CWF19L2: variants seen among roughly 807,000 people sequenced by gnomAD.
CWF19L2 encodes the protein CWF19-like protein 2.
A neutral mutation model predicts 111.7 loss-of-function variants in CWF19L2; 98 were observed. The observed-to-expected ratio is 0.88, with a 90% CI of 0.75 to 1.04. The LOEUF (loss-of-function observed/expected upper bound fraction) is 1.04. Among genes scored for constraint, CWF19L2 ranks in the 50% least tolerant of loss-of-function variants. CWF19L2 has a pLI of 0.00. For synonymous variants in CWF19L2, 351 were observed against 342.9 expected (o/e 1.02, Z -0.26); for missense variants, 1,101 against 1,051.4 (o/e 1.05, Z -0.65).
chr11:107,408,543 T>C (rs573114728), intron 10 of CWF19L2, among the ~76,000 whole-genome samples: 2 of 152,116 alleles, frequency 1.3e-5, no homozygotes, highest in South Asian at 4.1e-4. Context: ...TTATACACCA[T>C]TTTCTTTAAT....
At chr11:107,445,711 T>C (rs1303679730) in intron 3 of CWF19L2, among the ~76,000 whole-genome samples, 1 of 152,012 alleles carries the variant, frequency 6.6e-6, no homozygotes. Context: ...CCTGCTCCCC[T>C]TCTTTCTCCA....
At chr11:107,417,635 A>T (rs1167738199) in intron 9 of CWF19L2, among the ~76,000 whole-genome samples, 1 of 152,256 alleles carries the variant, frequency 6.6e-6, no homozygotes, top group Non-Finnish European at 1.5e-5. Context: ...TAAAGTAAAT[A>T]GCCAAGTAAA....
At chr11:107,333,121 G>A (rs764185146) in intron 16 of CWF19L2, among the ~76,000 whole-genome samples, 1 of 151,528 alleles carries the variant, frequency 6.6e-6, no homozygotes, top group Non-Finnish European at 1.5e-5. Flanking sequence ...GATCTCAAGA[G>A]GTCATCTGGC....
chr11:107,380,592 G>C (rs1860670759), intron 12 of CWF19L2, among the ~76,000 whole-genome samples: 2 of 152,202 alleles, frequency 1.3e-5, no homozygotes, highest in Admixed American at 1.3e-4. Flanking sequence ...CAAGAATGTG[G>C]AGACACTGTT....
chr11:107,450,996 TC>T (rs1043074338), intron 3 of CWF19L2, among the ~76,000 whole-genome samples: 9 of 152,274 alleles, frequency 5.9e-5, no homozygotes, highest in African/African-American at 2.2e-4. Context: ...TAGTCAACTT[TC>T]CCTAATTGAC....
At chr11:107,371,582 A>AAC (rs1860511456) in intron 12 of CWF19L2, among the ~76,000 whole-genome samples, 2 of 136,030 alleles carry the variant, frequency 1.5e-5, no homozygotes, top group South Asian at 4.9e-4. Context: ...TTTGTTAAAC[A>AAC]TGAGGTTCTA....
chr11:107,454,774 T>C (rs1235646649), intron 2 of CWF19L2, among the ~76,000 whole-genome samples: 1 of 152,238 alleles, frequency 6.6e-6, no homozygotes. Flanking sequence ...CAATAAATCA[T>C]ATAACTGAGA....
At chr11:107,360,612 A>C (rs374197517) in intron 12 of CWF19L2, among the ~76,000 whole-genome samples, 5 of 152,342 alleles carry the variant, frequency 3.3e-5, no homozygotes, top group East Asian at 3.9e-4. Flanking sequence ...ACAGTGCATA[A>C]GAGCTCCCTT....
intron 10 of CWF19L2, among the ~76,000 whole-genome samples, chr11:107,411,123 A>T (rs1359160986): frequency 6.6e-6 from 1 of 151,176 alleles, no homozygotes; most frequent in East Asian, 2.0e-4. Flanking sequence ...ACACACTATC[A>T]TAAAACAGCA....
At chr11:107,361,411 T>C (rs1346974939) in intron 12 of CWF19L2, among the ~76,000 whole-genome samples, 2 of 152,048 alleles carry the variant, frequency 1.3e-5, no homozygotes, top group African/African-American at 4.8e-5. Flanking sequence ...CTTTGCAGCT[T>C]TGGGTTTTTT....
At chr11:107,404,443 G>T in intron 10 of CWF19L2, 1 of 774,630 alleles carries the variant, frequency 1.3e-6, no homozygotes. Context: ...CCATGAACTG[G>T]CTGTTGGCAC....
chr11:107,328,268 C>A (rs1300568748), intron 17 of CWF19L2, among the ~76,000 whole-genome samples: 1 of 151,884 alleles, frequency 6.6e-6, no homozygotes, highest in Non-Finnish European at 1.5e-5. Flanking sequence ...AGAAATAGGG[C>A]AAATTGAGAT....
intron 12 of CWF19L2, among the ~76,000 whole-genome samples, chr11:107,362,062 C>T (rs112823742): frequency 0.018 from 2,674 of 152,146 alleles, 58 homozygotes; most frequent in African/African-American, 0.059. Flanking sequence ...AAAGGGGTGA[C>T]GGACGCACCT....
At chr11:107,405,083 G>A (rs1030760448) in intron 10 of CWF19L2, among the ~76,000 whole-genome samples, 12 of 152,166 alleles carry the variant, frequency 7.9e-5, no homozygotes, top group Non-Finnish European at 5.9e-5. Context: ...CATAAGCTGA[G>A]GATGGTCTTT....
chr11:107,413,646 T>G (rs1426580170), intron 10 of CWF19L2, among the ~76,000 whole-genome samples: 3 of 152,252 alleles, frequency 2.0e-5, no homozygotes, highest in Non-Finnish European at 2.9e-5. Context: ...GTTCTAGCTA[T>G]CGTCCCAGTC....
chr11:107,327,944 T>A (rs146034334), intron 17 of CWF19L2, among the ~76,000 whole-genome samples: 2 of 152,272 alleles, frequency 1.3e-5, no homozygotes, highest in East Asian at 3.9e-4. Flanking sequence ...TTCTTCATCT[T>A]ACTTAGGGAC....
At chr11:107,404,353 C>A in intron 10 of CWF19L2, 1 of 791,388 alleles carries the variant, frequency 1.3e-6, no homozygotes, top group Non-Finnish European at 2.3e-6. Context: ...GGTCCCAGAC[C>A]TTTCAGCTGT....
At chr11:107,455,866 T>C (rs946448597) in intron 1 of CWF19L2, 90 bp from the exon 2 acceptor site, 7 of 698,056 alleles carry the variant, frequency 1.0e-5, no homozygotes, top group African/African-American at 3.6e-5. Context: ...GTCATTTTTA[T>C]ACAAAAATAT....
chr11:107,455,198 G>A (rs1052181534), intron 2 of CWF19L2, among the ~76,000 whole-genome samples: 1 of 151,910 alleles, frequency 6.6e-6, no homozygotes, highest in Non-Finnish European at 1.5e-5. Flanking sequence ...AAGTTGATGA[G>A]GTGATGGATA....
Sources: gnomAD v4.1 joint callset for allele counts (sites outside exome capture counted in the v4.1 genomes callset) on GRCh38, gnomAD v4.1.1 for gene constraint, MANE v1.5 for transcripts, NCBI Gene and HGNC (gene_info 2026-07-23, HGNC 2026-07-21) for gene names.